Variants in XKRX observed in about 807,000 individuals in gnomAD.
The protein encoded by XKRX is XK-related protein 2.
In XKRX, 11 loss-of-function variants were observed where a neutral mutation model predicts 22.4. The observed-to-expected ratio is 0.49, with a 90% CI of 0.31 to 0.81. The LOEUF is 0.81. Ranked by LOEUF, XKRX falls within the 40% of genes least tolerant of loss-of-function variation. The pLI is 0.05. For synonymous variants in XKRX, 114 were observed against 132.2 expected (o/e 0.86, Z 0.94); for missense variants, 320 against 336.5 (o/e 0.95, Z 0.38).
the XKRX span, among the ~76,000 whole-genome samples, chrX:100,939,222 G>A: frequency 9.0e-6 from 1 of 111,553 alleles, no homozygotes; most frequent in Non-Finnish European, 1.9e-5. Context: ...GAAGTGAAAT[G>A]GACAACTAGG....
At chrX:100,904,351 C>T in the XKRX span, among the ~76,000 whole-genome samples, 3 of 111,444 alleles carry the variant, frequency 2.7e-5, no homozygotes, top group East Asian at 2.8e-4. Flanking sequence ...AAAATTAACT[C>T]GAAATGGATC....
At chrX:100,955,104 G>A in the XKRX span, among the ~76,000 whole-genome samples, 25 of 111,855 alleles carry the variant, frequency 2.2e-4, no homozygotes, top group Admixed American at 8.6e-4. Flanking sequence ...TAAAAAATGC[G>A]GCCTGCTTCC....
chrX:100,930,287 TTAATAATAATAA>T (rs59300334), upstream of XKRX, among the ~76,000 whole-genome samples: 1,012 of 85,586 alleles, frequency 0.012, 18 homozygotes, highest in African/African-American at 0.043. Flanking sequence ...AGATTACGTC[TTAATAATAATAA>T]TAATAATAAT....
chrX:100,928,145 T>C lies in XKRX; in HGVS notation c.160A>G (p.Met54Val), dbSNP rs2085506005. 2.5e-6 allele frequency: 3 copies of C among 1,209,818 alleles called. No individual in the cohort carries two copies. Among genetic ancestry groups the C allele is most frequent in the African/African-American group, 1.7e-5 (1 of 57,161 alleles). ...CTATTCTTTCGATAGATTCTAACCA[T>C]GTACAAAGCAGATGCAGCCTCCCCA... The part of the protein sequence containing the change: ...YCGEAASALY[M>V]VRIYRKNSET... The change falls in exon 1 of 3, where the codon ATG becomes GTG. Residue 54 changes from methionine to valine, a missense_variant. Coordinates refer to ENST00000372956, the MANE Select transcript of XKRX (RefSeq NM_212559.3).
chrX:100,900,091 C>T, the XKRX span, among the ~76,000 whole-genome samples: 29 of 112,030 alleles, frequency 2.6e-4, no homozygotes, highest in Non-Finnish European at 5.1e-4. Flanking sequence ...GGTGCAGTGG[C>T]TCATGCTTGT....
chrX:100,902,098 A>G, the XKRX span, among the ~76,000 whole-genome samples: 1 of 112,165 alleles, frequency 8.9e-6, no homozygotes, highest in South Asian at 3.7e-4. Flanking sequence ...CAAAAAAAAA[A>G]TTAAGCTAGA....
the XKRX span, among the ~76,000 whole-genome samples, chrX:100,957,816 G>GTTC: frequency 8.9e-6 from 1 of 111,847 alleles, no homozygotes; most frequent in African/African-American, 3.3e-5. Flanking sequence ...TGGTGCCCAT[G>GTTC]TTCTGATTGT....
the XKRX span, among the ~76,000 whole-genome samples, chrX:100,904,303 AAAAAAC>A: frequency 9.0e-6 from 1 of 111,381 alleles, no homozygotes; most frequent in African/African-American, 3.3e-5. Flanking sequence ...ACAAACAAAC[AAAAAAC>A]AAAAAAAACA....
chrX:100,898,595 AAC>A, the XKRX span, among the ~76,000 whole-genome samples: 6 of 86,560 alleles, frequency 6.9e-5, no homozygotes, highest in East Asian at 3.8e-4. Flanking sequence ...AAACAACAAC[AAC>A]AAAAAAAAAA....
intron 2 of XKRX, among the ~76,000 whole-genome samples, chrX:100,921,986 A>T (rs1419121680): frequency 1.8e-5 from 2 of 108,305 alleles, no homozygotes; most frequent in African/African-American, 6.7e-5. Flanking sequence ...GGCGCCTGCC[A>T]CCACGCCCGG....
At chrX:100,917,717 A>AGAAAGAAAGAAAGAAAGAAG (rs1491288663) in intron 2 of XKRX, among the ~76,000 whole-genome samples, 1 of 108,083 alleles carries the variant, frequency 9.3e-6, no homozygotes, top group African/African-American at 3.5e-5. Context: ...AAAGAAAGAA[A>AGAAAGAAAGAAAGAAAGAAG]GAAAGAAATC....
chrX:100,954,121 C>T, the XKRX span, among the ~76,000 whole-genome samples: 1 of 110,016 alleles, frequency 9.1e-6, no homozygotes, highest in Non-Finnish European at 1.9e-5. Flanking sequence ...ATTAGGATTG[C>T]TAAAATCAAA....
At chrX:100,893,334 C>G in the XKRX span, among the ~76,000 whole-genome samples, 1 of 111,205 alleles carries the variant, frequency 9.0e-6, no homozygotes, top group African/African-American at 3.3e-5. Flanking sequence ...TCTCACCACA[C>G]AAAAATGGTA....
chrX:100,932,616 G>A (rs952575942), upstream of XKRX, among the ~76,000 whole-genome samples: 1 of 112,292 alleles, frequency 8.9e-6, no homozygotes, highest in South Asian at 3.7e-4. Flanking sequence ...AAGGCTCAGG[G>A]ATGGGGTTGA....
rs1569453842 is a variant in XKRX, at chrX:100,914,145, T to G, written c.*193A>C. The G allele has an allele frequency of 2.0e-6, 1 of 495,564 alleles. No individual in the cohort carries two copies. Among genetic ancestry groups the G allele is most frequent in the East Asian group, 3.3e-5 (1 of 29,874 alleles). 40.8% of individuals were successfully genotyped at this position (495,564 alleles called of 1,213,427 possible). A position where few individuals can be genotyped will look rare whatever the true frequency, so the allele number is the denominator to read the frequency against. On this transcript the variant is annotated 3_prime_UTR_variant, in exon 3 of 3. Transcript: ENST00000372956. ...TTTCAACTATATAGTCGATACCCCC[T>G]GTTTCCAAACATAGTGGTAACTCTT...
At chrX:100,955,634 C>G in the XKRX span, among the ~76,000 whole-genome samples, 1 of 111,659 alleles carries the variant, frequency 9.0e-6, no homozygotes, top group African/African-American at 3.2e-5. Context: ...GATCATGCTA[C>G]TGCACTCCAG....
In XKRX at chrX:100,927,995, G is replaced by C; in HGVS notation, c.310C>G (p.Leu104Val). 8.3e-7 allele frequency: 1 copy of C among 1,204,960 alleles called. No individual in the cohort carries two copies. The change falls in exon 1 of 3, where the codon CTA becomes GTA. Residue 104 changes from leucine (L) to valine (V), a missense_variant. Coordinates refer to ENST00000372956, the MANE Select transcript of XKRX (RefSeq NM_212559.3). ...CTGATAACAGGTCCCAAGAGGATTA[G>C]ATGCATAAATAATGATAGCGGTTTA... ...KDKPLSLFMH[L>V]ILLGPVIRCL...
chrX:100,899,161 T>G, the XKRX span, among the ~76,000 whole-genome samples: 2 of 112,744 alleles, frequency 1.8e-5, no homozygotes, highest in South Asian at 7.2e-4. Flanking sequence ...AAACTGCTCC[T>G]GAGGAAACCC....
At chrX:100,923,474 G>A (rs2085483819) in intron 1 of XKRX, among the ~76,000 whole-genome samples, 1 of 112,116 alleles carries the variant, frequency 8.9e-6, no homozygotes, top group African/African-American at 3.2e-5. Context: ...ACTACTTTTT[G>A]TCTTTTTCTC....
Sources: allele counts gnomAD v4.1 joint callset (sites outside exome capture counted in the v4.1 genomes callset), GRCh38; gene constraint gnomAD v4.1.1; transcripts MANE v1.5; gene names NCBI Gene and HGNC (gene_info 2026-07-23, HGNC 2026-07-21).